The following PI4KB variants were observed in gnomAD, a reference collection of about 807,000 sequenced individuals.
The protein encoded by PI4KB is phosphatidylinositol 4-kinase beta, also known as PtdIns 4-kinase beta.
Under a neutral mutation model 81.4 loss-of-function variants are expected in PI4KB, and 23 were observed. The observed-to-expected ratio is 0.28, with a 90% CI of 0.20 to 0.40. PI4KB has a LOEUF of 0.40. Among genes scored for constraint, PI4KB ranks in the 10% least tolerant of loss-of-function variants. PI4KB has a pLI of 1.00. For synonymous variants in PI4KB, 381 were observed against 406.8 expected (o/e 0.94, Z 0.76); for missense variants, 651 against 1,036.6 (o/e 0.63, Z 5.11).
intron 6 of PI4KB, 88 bp downstream of exon 6, chr1:151,303,453 A>G: frequency 1.2e-6 from 1 of 847,984 alleles, no homozygotes; most frequent in Non-Finnish European, 2.1e-6. Context: ...CCAACAACAG[A>G]TGATTGAGAT....
chr1:151,324,942 A>G (rs147960006), intron 1 of PI4KB: 3 of 941,240 alleles, frequency 3.2e-6, no homozygotes, highest in Non-Finnish European at 2.5e-6. Context: ...GGGAAATGAG[A>G]GGAAATATGA....
intron 1 of PI4KB, 56 bp downstream of exon 1, chr1:151,327,215 G>GTGGGGGGC: frequency 2.0e-5 from 1 of 49,688 alleles, no homozygotes; most frequent in Non-Finnish European, 4.5e-5. Context: ...GTGGGAGAGG[G>GTGGGGGGC]ACCCCCCCCC....
In PI4KB at chr1:151,292,611, G is replaced by T; in HGVS notation, c.*241C>A. The T allele has an allele frequency of 1.9e-6, 1 of 540,162 alleles. No homozygotes were observed. Among genetic ancestry groups the T allele is most frequent in the East Asian group, 3.2e-5 (1 of 31,492 alleles). 33.5% of individuals were successfully genotyped at this position (540,162 alleles called of 1,614,324 possible). A position where few individuals can be genotyped will look rare whatever the true frequency, so the allele number is the denominator to read the frequency against. On this transcript the variant is annotated 3_prime_UTR_variant, in exon 12 of 12. Transcript: ENST00000368873. ...CAGTGAGTCCTGGAGTCAGTCTGGT[G>T]GTAATACTGACACAGACCAGGAGGG...
chr1:151,323,651 G>C (rs2102023523), intron 1 of PI4KB, among the ~76,000 whole-genome samples: 1 of 152,296 alleles, frequency 6.6e-6, no homozygotes, highest in Admixed American at 6.5e-5. Context: ...CTTGAACCCT[G>C]AGGCAGAGGT....
At chr1:151,327,542 T>A (rs1300078314), upstream of PI4KB, 11 of 392,096 alleles carry the variant, frequency 2.8e-5, no homozygotes, top group Admixed American at 1.8e-4. Flanking sequence ...AAAATAAAAT[T>A]CCCCAGCAGG....
intron 1 of PI4KB, among the ~76,000 whole-genome samples, chr1:151,323,376 G>A (rs113002067): frequency 0.052 from 7,823 of 151,592 alleles, 275 homozygotes; most frequent in Admixed American, 0.077. Context: ...GCATGGTGGC[G>A]GGTGCCTGTA....
At chr1:151,311,849 A>G (rs970997806) in intron 2 of PI4KB, among the ~76,000 whole-genome samples, 4 of 152,250 alleles carry the variant, frequency 2.6e-5, no homozygotes, top group African/African-American at 9.6e-5. Context: ...TGGGGCTTCC[A>G]GTGTGACATG....
At chr1:151,319,221 C>T (rs1648483284) in intron 1 of PI4KB, among the ~76,000 whole-genome samples, 3 of 151,768 alleles carry the variant, frequency 2.0e-5, no homozygotes, top group Admixed American at 2.0e-4. Flanking sequence ...GCCTGTAATC[C>T]CAGTGCACTG....
chr1:151,326,274 C>A, intron 1 of PI4KB: 1 of 1,307,464 alleles, frequency 7.6e-7, no homozygotes, highest in Non-Finnish European at 1.1e-6. Flanking sequence ...AAACTTGCTC[C>A]GGCCTTCAGA....
chr1:151,293,374 C>CT (rs1284110412), intron 11 of PI4KB: 2 of 1,322,192 alleles, frequency 1.5e-6, no homozygotes, highest in Admixed American at 2.4e-5. Context: ...TTGCAGACCT[C>CT]TGCCTATGCT....
rs776717338 is a variant in PI4KB, at chr1:151,316,460, G to C, written c.22C>G (p.Pro8Ala). The stretch of plus-strand genomic sequence containing the variant: ...TCAGAAGTTGGCTTCAAGGGGGCAG[G>C]CTCCACTACTGTATCTCCCATGGCC... MGDTVVE[P>A]APLKPTSEPT... The change falls in exon 2 of 12, where the codon CCT becomes GCT. Residue 8 changes from proline (P) to alanine (A), a missense_variant. Physicochemically the swap from Pro to Ala is conservative, Grantham distance 27 (BLOSUM62 -1). This residue lies in a region of PI4KB where 314 missense variants were observed against 397.8 expected (regional missense o/e 0.79). Coordinates refer to ENST00000368873, the MANE Select transcript of PI4KB (RefSeq NM_001369623.2). The C allele has an allele frequency of 2.6e-6, 4 of 1,547,076 alleles. No individual in the cohort carries two copies. Among genetic ancestry groups the C allele is most frequent in the East Asian group, 2.2e-5 (1 of 44,464 alleles).
chr1:151,295,282 TTG>T (rs1694689305), intron 9 of PI4KB, among the ~76,000 whole-genome samples: 1 of 152,186 alleles, frequency 6.6e-6, no homozygotes, highest in Non-Finnish European at 1.5e-5. Flanking sequence ...AATAGAGGCT[TTG>T]TTAGGCTAAG....
In PI4KB at chr1:151,315,595, G is replaced by C; in HGVS notation, c.887C>G (p.Pro296Arg). Reference protein sequence around the residue: ...SSNLKRTASNPKVENEDEELS... With the variant: ...SSNLKRTASNRKVENEDEELS... ...TACCTCATCCTCATTCTCCACTTTA[G>C]GGTTGCTGGCTGTTCGTTTCAGGTT... Residue 296 changes from proline (P) to arginine (R), a missense_variant, in exon 2 of 12, where the codon CCT becomes CGT. Around this residue, in one of 5 missense-constraint regions of PI4KB, gnomAD observed 314 missense variants for 397.8 expected, o/e 0.79. Coordinates refer to ENST00000368873, the MANE Select transcript of PI4KB (RefSeq NM_001369623.2). 6.2e-7 allele frequency: 1 copy of C among 1,613,870 alleles called. No homozygotes were observed. Among genetic ancestry groups the C allele is most frequent in the Non-Finnish European group, 8.5e-7 (1 of 1,179,870 alleles).
intron 11 of PI4KB, chr1:151,293,476 G>A (rs1480244424): frequency 1.7e-6 from 2 of 1,201,826 alleles, no homozygotes; most frequent in South Asian, 3.0e-5. Flanking sequence ...TGGGGTAGGG[G>A]CAGGAATGGG....
At chr1:151,293,414 A>T in intron 11 of PI4KB, 1 of 1,278,236 alleles carries the variant, frequency 7.8e-7, no homozygotes, top group Non-Finnish European at 1.0e-6. Context: ...GACCTGGGCC[A>T]CCGTCATCAT....
intron 3 of PI4KB, among the ~76,000 whole-genome samples, chr1:151,309,718 T>C (rs1284276689): frequency 6.6e-6 from 1 of 152,140 alleles, no homozygotes; most frequent in Non-Finnish European, 1.5e-5. Flanking sequence ...AGGCAAAACT[T>C]TCCTTCAGGC....
intron 1 of PI4KB, chr1:151,326,299 C>A: frequency 1.1e-6 from 1 of 948,172 alleles, no homozygotes; most frequent in Non-Finnish European, 1.6e-6. Context: ...CCCTTCTGTC[C>A]TGAACGGCCT....
intron 2 of PI4KB, among the ~76,000 whole-genome samples, chr1:151,313,787 T>C (rs1182579488): frequency 1.3e-4 from 20 of 152,228 alleles, no homozygotes. Context: ...GGGCCGTTCT[T>C]CCCCACATGG....
chr1:151,302,444 CAT>C (rs1695361715), intron 6 of PI4KB, 146 bp from the exon 7 acceptor site: 5 of 616,814 alleles, frequency 8.1e-6, no homozygotes, highest in Non-Finnish European at 1.4e-5. Flanking sequence ...TGGAAGAAAA[CAT>C]AACCAATGAC....
Sources: gnomAD v4.1 joint callset for allele counts (sites outside exome capture counted in the v4.1 genomes callset) on GRCh38, gnomAD v4.1.1 for gene constraint, gnomAD v4.1.1 regional missense constraint, MANE v1.5 for transcripts, NCBI Gene and HGNC (gene_info 2026-07-23, HGNC 2026-07-21) for gene names.